Variants in KANSL2 observed in about 807,000 individuals in gnomAD.
KANSL2 encodes the protein KAT8 regulatory NSL complex subunit 2, also known as NSL complex protein NSL2.
In KANSL2, 34 loss-of-function variants were observed where a neutral mutation model predicts 55.6. That is an observed-to-expected ratio of 0.61 (90% CI 0.46 to 0.81). KANSL2 has a LOEUF of 0.81. Ranked by LOEUF, KANSL2 falls within the 40% of genes least tolerant of loss-of-function variation. KANSL2 has a pLI of 0.00. For synonymous variants in KANSL2, 209 were observed against 214.3 expected (o/e 0.98, Z 0.22); for missense variants, 502 against 609.9 (o/e 0.82, Z 1.86).
Position 48,659,849 on chromosome 12 carries a change from T to C in KANSL2, c.1227+517A>G, listed in dbSNP as rs1263599968. Reference sequence around the variant, plus strand: ...TGAAGTATTGATACATATTATAGTATGGATAAACCTTGAAAACATTATGCT... The same window carrying C: ...TGAAGTATTGATACATATTATAGTACGGATAAACCTTGAAAACATTATGCT... On this transcript the variant is annotated intron_variant, in intron 8 of 9. Transcript: ENST00000420613. Among the ~76,000 whole-genome samples the C allele has an allele frequency of 2.6e-5, 4 of 152,206 alleles. No individual in the cohort carries two copies. In the South Asian group the frequency reaches 8.3e-4, roughly 31 times the overall value.
chr12:48,658,927 G>C (rs1939440073), intron 8 of KANSL2, among the ~76,000 whole-genome samples: 1 of 152,190 alleles, frequency 6.6e-6, no homozygotes, highest in South Asian at 2.1e-4. Flanking sequence ...TATCCAGAAT[G>C]AACGGCTGTG....
intron 4 of KANSL2, among the ~76,000 whole-genome samples, chr12:48,675,371 G>A (rs1274931149): frequency 1.3e-5 from 2 of 152,140 alleles, no homozygotes; most frequent in Non-Finnish European, 2.9e-5. Context: ...GTGCCACTGC[G>A]CTCCAGCCTG....
intron 2 of KANSL2, 106 bp from the exon 3 acceptor site, chr12:48,679,939 TTACATTCATTTCTA>T: frequency 1.1e-6 from 1 of 948,546 alleles, no homozygotes; most frequent in Non-Finnish European, 1.5e-6. Flanking sequence ...AAAATGACTA[TTACATTCATTTCTA>T]AAAATGCAAG....
chr12:48,672,395 A>G (rs564854368), intron 4 of KANSL2, among the ~76,000 whole-genome samples: 76 of 135,676 alleles, frequency 5.6e-4, no homozygotes, highest in South Asian at 7.1e-4. Flanking sequence ...ATATACATGT[A>G]TATATATATA....
rs765290125 is a variant in KANSL2, at chr12:48,679,671, T to G, written c.414A>C (p.Glu138Asp). The G allele has an allele frequency of 6.2e-7, 1 of 1,613,674 alleles. No homozygotes were observed. Among genetic ancestry groups the G allele is most frequent in the Non-Finnish European group, 8.5e-7 (1 of 1,179,790 alleles). ...GSQTPESSRSEASRILDEDSW... is the reference protein window; with the variant it reads ...GSQTPESSRSDASRILDEDSW... ...GGTCCTTACCTAGTATTCGGCTGGC[T>G]TCACTGCGACTACTTTCTGGAGTCT... is the stretch of plus-strand genomic sequence containing the variant. Residue 138 changes from glutamate (E) to aspartate (D), a missense_variant, in exon 3 of 10, where the codon GAA (glutamate) becomes GAC (aspartate). Coordinates refer to ENST00000420613, the MANE Select transcript of KANSL2 (RefSeq NM_017822.4).
At chr12:48,661,212 G>C (rs1939481001) in intron 7 of KANSL2, 3 of 971,490 alleles carry the variant, frequency 3.1e-6, no homozygotes, top group Non-Finnish European at 3.7e-6. Flanking sequence ...TTTTAGGGGA[G>C]TGTGCTAGTA....
chr12:48,676,448 C>CAGG (rs1177496266), intron 4 of KANSL2, among the ~76,000 whole-genome samples: 1 of 152,074 alleles, frequency 6.6e-6, no homozygotes, highest in Non-Finnish European at 1.5e-5. Flanking sequence ...CACCTCAGAT[C>CAGG]AGGAGTTCAA....
intron 7 of KANSL2, chr12:48,662,691 G>C (rs1020676611): frequency 2.3e-5 from 29 of 1,273,142 alleles, no homozygotes; most frequent in Non-Finnish European, 2.6e-5. Context: ...AGTGACTTAG[G>C]CAACTATGGA....
At chr12:48,675,174 C>T (rs1000804001) in intron 4 of KANSL2, among the ~76,000 whole-genome samples, 5 of 151,704 alleles carry the variant, frequency 3.3e-5, no homozygotes, top group African/African-American at 1.2e-4. Flanking sequence ...GGTGGGCATA[C>T]TGCCTGAGCT....
At chr12:48,680,854 T>G (rs922512219) in intron 2 of KANSL2, among the ~76,000 whole-genome samples, 2 of 151,934 alleles carry the variant, frequency 1.3e-5, no homozygotes, top group African/African-American at 4.8e-5. Flanking sequence ...GGCGCACGCC[T>G]TAAGTCCCAA....
intron 6 of KANSL2, 68 bp downstream of exon 6, chr12:48,669,038 C>T (rs1000294553): frequency 1.3e-5 from 16 of 1,260,356 alleles, no homozygotes; most frequent in East Asian, 2.9e-5. Flanking sequence ...TGCGAGACTC[C>T]GTCTCGAAAA....
chr12:48,670,001 G>A (rs1212021911), intron 5 of KANSL2, among the ~76,000 whole-genome samples: 1 of 151,974 alleles, frequency 6.6e-6, no homozygotes, highest in Non-Finnish European at 1.5e-5. Flanking sequence ...AGGAGATTGA[G>A]AACATCCTGG....
intron 7 of KANSL2, among the ~76,000 whole-genome samples, chr12:48,662,302 G>A (rs772649777): frequency 1.3e-5 from 2 of 152,072 alleles, no homozygotes; most frequent in Non-Finnish European, 2.9e-5. Flanking sequence ...ACAGGGTTTC[G>A]CCATGTTGGC....
chr12:48,679,834 C>A lies in KANSL2; in HGVS notation c.252-1G>T. 6.3e-7 allele frequency: 1 copy of A among 1,591,682 alleles called. No individual in the cohort carries two copies. The highest frequency in any genetic ancestry group is 1.1e-5 in the South Asian group (1 of 88,024). On this transcript the variant is annotated splice_acceptor_variant, in intron 2 of 9. Transcript: ENST00000420613. LOFTEE classifies it high-confidence loss of function. The stretch of plus-strand genomic sequence containing the variant: ...GACATGTTCAGCACAGAAGGACACC[C>A]TGAAGAGACAAAACATTAATATTTT...
intron 8 of KANSL2, chr12:48,656,633 A>G (rs867138500): frequency 2.4e-6 from 1 of 413,690 alleles, no homozygotes; most frequent in East Asian, 6.9e-5. Flanking sequence ...AAAAAAAATG[A>G]CATTACATTC....
Position 48,669,231 on chromosome 12 carries a change from C to T in KANSL2, c.751G>A (p.Glu251Lys). ...LTGPEGLLAK[E>K]RENLKRLKCL... ...TTTAATCGCTTTAAGTTCTCTCGTT[C>T]TTTGGCCAAAAGTCCCTCTGGGCCA... The change falls in exon 6 of 10, where the codon GAA becomes AAA. Residue 251 changes from glutamate (E) to lysine (K), a missense_variant. By Grantham distance (56) the Glu-to-Lys change is moderately conservative (BLOSUM62 1). Coordinates refer to ENST00000420613, the MANE Select transcript of KANSL2 (RefSeq NM_017822.4). 6.4e-7 allele frequency: 1 copy of T among 1,573,820 alleles called. No homozygotes were observed. Among genetic ancestry groups the T allele is most frequent in the Non-Finnish European group, 8.6e-7 (1 of 1,158,638 alleles).
At chr12:48,671,644 A>C (rs1031184116) in intron 5 of KANSL2, among the ~76,000 whole-genome samples, 155 bp downstream of exon 5, 1 of 152,208 alleles carries the variant, frequency 6.6e-6, no homozygotes, top group Non-Finnish European at 1.5e-5. Flanking sequence ...GTTGCAGGCT[A>C]TACCACCTAC....
At chr12:48,682,033 C>T (rs1345249681) in intron 1 of KANSL2, 154 bp downstream of exon 1, 1 of 703,034 alleles carries the variant, frequency 1.4e-6, no homozygotes, top group East Asian at 2.7e-5. Flanking sequence ...TGTCCTACGG[C>T]TCCAGTCACC....
At chr12:48,670,920 C>T (rs548816272) in intron 5 of KANSL2, among the ~76,000 whole-genome samples, 2 of 151,516 alleles carry the variant, frequency 1.3e-5, no homozygotes, top group South Asian at 2.1e-4. Context: ...GTGAGGACTA[C>T]GCTACTGCAC....
Sources: allele counts gnomAD v4.1 joint callset (sites outside exome capture counted in the v4.1 genomes callset), GRCh38; gene constraint gnomAD v4.1.1; transcripts MANE v1.5; gene names NCBI Gene and HGNC (gene_info 2026-07-23, HGNC 2026-07-21).